SYNE2: variants seen among roughly 807,000 people sequenced by gnomAD.
SYNE2 encodes the protein nesprin-2.
In SYNE2, 431 loss-of-function variants were observed where a neutral mutation model predicts 856.3. The observed-to-expected ratio is 0.50, with a 90% CI of 0.47 to 0.55. The LOEUF (loss-of-function observed/expected upper bound fraction) is 0.55. Among genes scored for constraint, SYNE2 ranks in the 20% least tolerant of loss-of-function variants. The pLI, the probability that SYNE2 is intolerant of heterozygous loss-of-function variation, is 0.00. For synonymous variants in SYNE2, 2,923 were observed against 2,872.3 expected (o/e 1.02, Z -0.56); for missense variants, 8,129 against 8,023.2 (o/e 1.01, Z -0.50).
intron 2 of SYNE2, among the ~76,000 whole-genome samples, chr14:63,930,310 A>G (rs1437837550): frequency 6.6e-6 from 1 of 151,286 alleles, no homozygotes; most frequent in Non-Finnish European, 1.5e-5. Flanking sequence ...AAGCAATGAG[A>G]TGGTTGTACA....
At chr14:63,819,451 C>T (rs1226668418) in intron 1 of SYNE2, among the ~76,000 whole-genome samples, 3 of 151,084 alleles carry the variant, frequency 2.0e-5, no homozygotes, top group East Asian at 1.9e-4. Flanking sequence ...GGGCTGGTCT[C>T]GAACTCCTGA....
At chr14:63,974,285 G>A (rs1049538433) in intron 11 of SYNE2, among the ~76,000 whole-genome samples, 8 of 152,136 alleles carry the variant, frequency 5.3e-5, no homozygotes, top group African/African-American at 1.7e-4. Context: ...TACAAGAAGC[G>A]TGGCACCAGC....
At chr14:64,146,000 T>G (rs1038111058) in intron 83 of SYNE2, 68 bp from the exon 84 acceptor site, 29 of 1,160,052 alleles carry the variant, frequency 2.5e-5, no homozygotes, top group Non-Finnish European at 3.3e-5. Flanking sequence ...TTTTAAAAAA[T>G]AACGTCATGG....
chr14:63,895,672 G>A (rs1001547043), intron 1 of SYNE2, among the ~76,000 whole-genome samples: 1 of 150,162 alleles, frequency 6.7e-6, no homozygotes, highest in East Asian at 2.0e-4. Flanking sequence ...AGAGGCTGAG[G>A]TGGGAGGATG....
At chr14:63,771,348 G>A (rs1037161709) in intron 1 of SYNE2, among the ~76,000 whole-genome samples, 2 of 152,038 alleles carry the variant, frequency 1.3e-5, no homozygotes, top group Admixed American at 6.6e-5. Context: ...GGGATTACAA[G>A]CGTGAGCCAC....
chr14:64,097,185 T>C (rs2097684322), intron 61 of SYNE2, among the ~76,000 whole-genome samples: 1 of 152,214 alleles, frequency 6.6e-6, no homozygotes, highest in South Asian at 2.1e-4. Context: ...ATATAAATGT[T>C]AAAAGTAACA....
intron 1 of SYNE2, among the ~76,000 whole-genome samples, chr14:63,871,998 T>C (rs1896957330): frequency 6.6e-6 from 1 of 152,184 alleles, no homozygotes; most frequent in Non-Finnish European, 1.5e-5. Flanking sequence ...CATGCTTATG[T>C]GTTGCTTAAC....
At chr14:64,070,057 C>T (rs557097181) in intron 51 of SYNE2, among the ~76,000 whole-genome samples, 6 of 152,258 alleles carry the variant, frequency 3.9e-5, no homozygotes, top group Admixed American at 2.0e-4. Context: ...GAGTTCAGGG[C>T]TGGTGGAACT....
rs753324037 is a variant in SYNE2 at position 64,126,307 on chromosome 14, C to A, written c.13555-20C>A. Reference sequence around the variant, plus strand: ...GCAAAGGTATCTTAATTTTCTTTTTCTTTTTTCCTCTTGATTCAGGAAAAT... The same window carrying A: ...GCAAAGGTATCTTAATTTTCTTTTTATTTTTTCCTCTTGATTCAGGAAAAT... On this transcript the variant is annotated intron_variant, in intron 71 of 115. Transcript: ENST00000555002. 4.3e-6 allele frequency: 7 copies of A among 1,609,232 alleles called. No individual in the cohort carries two copies. The Admixed American group carries it at 1.2e-4, about 27-fold the overall frequency.
chr14:63,875,527 T>C (rs1426175165), intron 1 of SYNE2, among the ~76,000 whole-genome samples: 1 of 152,104 alleles, frequency 6.6e-6, no homozygotes, highest in East Asian at 1.9e-4. Context: ...GGAGGTGCAG[T>C]GGTATTCCTG....
intron 95 of SYNE2, among the ~76,000 whole-genome samples, chr14:64,176,776 T>C (rs527831614): frequency 6.6e-6 from 1 of 150,854 alleles, no homozygotes; most frequent in African/African-American, 2.4e-5. Context: ...AGAACTTTTT[T>C]ATTTTTATTT....
intron 1 of SYNE2, among the ~76,000 whole-genome samples, chr14:63,858,519 C>T (rs558854012): frequency 2.0e-5 from 3 of 151,888 alleles, no homozygotes; most frequent in South Asian, 4.2e-4. Flanking sequence ...CAGGTTCAAG[C>T]GATTCTCCTG....
chr14:63,857,479 G>T (rs1194561567), intron 1 of SYNE2, among the ~76,000 whole-genome samples: 1 of 152,086 alleles, frequency 6.6e-6, no homozygotes. Flanking sequence ...TTTCCCCTGG[G>T]TAGATGTCTA....
rs776136245 is a variant in SYNE2, at chr14:63,990,986, C to T, written c.2517C>T (p.Asp839=). ...TTGCAGCGTTGAAGAACTTAACTGA[C>T]GTTTCACCAGATTTGGACATCAGGC... ...KLIAALKNLT[D]VSPDLDIRLK... The change falls in exon 21 of 116, where the codon GAC becomes GAT. Residue 839 remains aspartate (D), a synonymous_variant. Coordinates refer to ENST00000555002, the MANE Select transcript of SYNE2 (RefSeq NM_182914.3). The T allele has an allele frequency of 9.3e-6, 15 of 1,613,986 alleles. No individual in the cohort carries two copies. Among genetic ancestry groups the T allele is most frequent in the South Asian group, 2.2e-5 (2 of 91,076 alleles).
At chr14:64,017,231 A>C (rs186545909) in intron 33 of SYNE2, among the ~76,000 whole-genome samples, 9 of 145,408 alleles carry the variant, frequency 6.2e-5, no homozygotes. Flanking sequence ...CGGGAGGCTG[A>C]GGCAGGAGAA....
intron 2 of SYNE2, among the ~76,000 whole-genome samples, chr14:63,918,332 C>T (rs1408485410): frequency 6.6e-6 from 1 of 152,176 alleles, no homozygotes; most frequent in African/African-American, 2.4e-5. Context: ...CTAATTTCAA[C>T]ATTGGTGATT....
In SYNE2 at chr14:64,162,435, C is replaced by A. The variant is rs2098336808; in HGVS notation, c.16299+159C>A. ...AGGACATAGGCAAGGCTGGGAGGACCAGGTGGTGGCTCAGAGGTGACGTCT... is the reference window on the plus strand; with the variant it reads ...AGGACATAGGCAAGGCTGGGAGGACAAGGTGGTGGCTCAGAGGTGACGTCT... On this transcript the variant is annotated intron_variant, in intron 88 of 115. Transcript: ENST00000555002. The A allele has an allele frequency of 5.2e-6, 4 of 767,574 alleles. No homozygotes were observed. In the East Asian group the frequency reaches 8.1e-5, roughly 15 times the overall value. The allele number at this position is 767,574 out of a possible 1,614,324, so 47.5% of individuals were successfully genotyped here. A position where few individuals can be genotyped will look rare whatever the true frequency, so the allele number is the denominator to read the frequency against.
At position 64,209,479 on chromosome 14, in the gene SYNE2, C is replaced by G; in HGVS notation, c.18441C>G (p.Arg6147=). 1.2e-6 allele frequency: 2 copies of G among 1,614,240 alleles called. No individual in the cohort carries two copies. The highest frequency in any genetic ancestry group is 1.7e-6 in the Non-Finnish European group (2 of 1,180,044). The change falls in exon 102 of 116, where the codon CGC becomes CGG. Residue 6147 remains arginine, a synonymous_variant. Coordinates refer to ENST00000555002, the MANE Select transcript of SYNE2 (RefSeq NM_182914.3). ...AGAAGTTTTTAGACGACTATTCTCG[C>G]TTTGAGGACTGGCTCAAGTCAGCTG... The part of the protein sequence containing the change: ...LWQKFLDDYS[R]FEDWLKSAER...
At chr14:63,886,856 C>T (rs1490314913) in intron 1 of SYNE2, among the ~76,000 whole-genome samples, 2 of 152,112 alleles carry the variant, frequency 1.3e-5, no homozygotes, top group African/African-American at 4.8e-5. Flanking sequence ...GACAGAGTTT[C>T]ACCATGTTGG....
Sources: allele counts gnomAD v4.1 joint callset (sites outside exome capture counted in the v4.1 genomes callset), GRCh38; gene constraint gnomAD v4.1.1; transcripts MANE v1.5; gene names NCBI Gene and HGNC (gene_info 2026-07-23, HGNC 2026-07-21).